Variants in PTPRD observed in about 807,000 individuals in gnomAD.
PTPRD encodes the protein protein tyrosine phosphatase receptor type D.
PTPRD carries 34 observed loss-of-function variants against 214.5 expected under a neutral mutation model. That is an observed-to-expected ratio of 0.16 (90% CI 0.12 to 0.21). The LOEUF (loss-of-function observed/expected upper bound fraction) is 0.21, where lower values mean the gene tolerates loss of function less well. PTPRD is among the 10% of genes least tolerant of loss of function. The probability of loss-of-function intolerance (pLI) is 1.00; values close to 1 mark genes in which losing one functional copy is unlikely to be tolerated. For missense variants in PTPRD, 2,545 were observed against 2,398.7 expected (o/e 1.06, Z -1.27); for synonymous variants, 1,128 against 845.7 (o/e 1.33, Z -5.79).
intron 7 of PTPRD, among the ~76,000 whole-genome samples, chr9:9,694,155 C>A (rs2097327361): frequency 6.6e-6 from 1 of 152,100 alleles, no homozygotes; most frequent in Non-Finnish European, 1.5e-5. Flanking sequence ...TTGATTTTTA[C>A]AGATGTTTGT....
At chr9:8,680,411 C>G (rs542338160) in intron 12 of PTPRD, among the ~76,000 whole-genome samples, 1 of 152,302 alleles carries the variant, frequency 6.6e-6, no homozygotes, top group Admixed American at 6.5e-5. Context: ...CACTCAGCTA[C>G]TGGTGTGTCT....
chr9:8,951,878 T>C (rs1205815224), intron 11 of PTPRD, among the ~76,000 whole-genome samples: 1 of 152,024 alleles, frequency 6.6e-6, no homozygotes, highest in African/African-American at 2.4e-5. Context: ...CTCAAAATTC[T>C]CCAGTGCGTT....
chr9:9,109,476 C>T (rs1591765769), intron 10 of PTPRD, among the ~76,000 whole-genome samples: 2 of 152,214 alleles, frequency 1.3e-5, no homozygotes, highest in African/African-American at 4.8e-5. Flanking sequence ...AGACCTACCT[C>T]AGCAGTAGTT....
chr9:8,403,314 T>A (rs963743100), intron 36 of PTPRD, among the ~76,000 whole-genome samples: 2 of 152,224 alleles, frequency 1.3e-5, no homozygotes, highest in African/African-American at 2.4e-5. Context: ...GAAGCTACTA[T>A]AATTTATTTG....
intron 11 of PTPRD, among the ~76,000 whole-genome samples, chr9:8,797,711 T>A (rs2096471969): frequency 6.6e-6 from 1 of 152,204 alleles, no homozygotes; most frequent in African/African-American, 2.4e-5. Context: ...GAACCATTTA[T>A]CCCACTATGC....
intron 5 of PTPRD, among the ~76,000 whole-genome samples, chr9:9,895,033 A>C (rs906151632): frequency 6.6e-6 from 1 of 152,050 alleles, no homozygotes; most frequent in African/African-American, 2.4e-5. Context: ...AATGGGTTGA[A>C]ATAATGTGTA....
At chr9:9,197,472 G>A (rs905878601) in intron 9 of PTPRD, among the ~76,000 whole-genome samples, 4 of 136,876 alleles carry the variant, frequency 2.9e-5, no homozygotes, top group Non-Finnish European at 4.5e-5. Flanking sequence ...ATGCAATAGC[G>A]CAATCTTTGC....
intron 3 of PTPRD, among the ~76,000 whole-genome samples, chr9:10,158,264 C>T (rs1342980705): frequency 6.6e-6 from 1 of 152,108 alleles, no homozygotes; most frequent in Non-Finnish European, 1.5e-5. Context: ...ACTTCGGCCC[C>T]CTGAAGTTGT....
At chr9:8,344,376 A>G (rs1044541621) in intron 39 of PTPRD, among the ~76,000 whole-genome samples, 5 of 152,080 alleles carry the variant, frequency 3.3e-5, no homozygotes, top group African/African-American at 9.7e-5. Context: ...ATTCTGGCAG[A>G]AAGATACTAC....
intron 11 of PTPRD, among the ~76,000 whole-genome samples, chr9:8,749,099 A>G (rs2093236996): frequency 6.6e-6 from 1 of 152,190 alleles, no homozygotes; most frequent in East Asian, 1.9e-4. Flanking sequence ...AATAAGAAAA[A>G]AAAAGTAGAA....
At chr9:8,952,380 A>G (rs2099107013) in intron 11 of PTPRD, among the ~76,000 whole-genome samples, 1 of 152,032 alleles carries the variant, frequency 6.6e-6, no homozygotes, top group East Asian at 1.9e-4. Flanking sequence ...TCTATAAAGG[A>G]ATGCACAGGG....
intron 2 of PTPRD, among the ~76,000 whole-genome samples, chr9:10,430,949 C>T (rs2098671845): frequency 6.6e-6 from 1 of 151,848 alleles, no homozygotes; most frequent in South Asian, 2.1e-4. Flanking sequence ...ATAATATTGG[C>T]TATCAAAATT....
chr9:8,343,825 G>C (rs1854896833), intron 39 of PTPRD, among the ~76,000 whole-genome samples: 2 of 152,044 alleles, frequency 1.3e-5, no homozygotes, highest in South Asian at 4.1e-4. Flanking sequence ...ATTAGTGACT[G>C]GCTTGAGATG....
intron 21 of PTPRD, among the ~76,000 whole-genome samples, chr9:8,507,994 A>AAAAAC (rs914525149): frequency 3.3e-5 from 5 of 152,068 alleles, no homozygotes; most frequent in South Asian, 2.1e-4. Context: ...GTAAGAAAGG[A>AAAAAC]AAAACAAAAC....
intron 11 of PTPRD, among the ~76,000 whole-genome samples, chr9:8,933,340 G>GTTTTGTTTTTTTTTTTTTTT (rs2098966631): frequency 2.5e-5 from 2 of 80,440 alleles, no homozygotes; most frequent in African/African-American, 1.0e-4. Flanking sequence ...CAACCTTGAG[G>GTTTTGTTTTTTTTTTTTTTT]TTTTTTTTTT....
chr9:9,585,054 C>A (rs1463361460), intron 7 of PTPRD, among the ~76,000 whole-genome samples: 1 of 152,028 alleles, frequency 6.6e-6, no homozygotes, highest in Non-Finnish European at 1.5e-5. Context: ...TCATAAAATT[C>A]TCTTTTTCCA....
At chr9:9,305,114 C>T (rs977802236) in intron 9 of PTPRD, among the ~76,000 whole-genome samples, 1 of 151,402 alleles carries the variant, frequency 6.6e-6, no homozygotes, top group Non-Finnish European at 1.5e-5. Flanking sequence ...TGCTTCTCAT[C>T]TTTACCTCCT....
intron 11 of PTPRD, among the ~76,000 whole-genome samples, chr9:8,792,481 T>C (rs574619733): frequency 6.6e-6 from 1 of 152,214 alleles, no homozygotes; most frequent in South Asian, 2.1e-4. Flanking sequence ...ATAATGGAGG[T>C]GAGCATTCAG....
intron 35 of PTPRD, among the ~76,000 whole-genome samples, chr9:8,425,998 C>G (rs1535677): frequency 0.2 from 30,005 of 151,986 alleles, 3,865 homozygotes; most frequent in East Asian, 0.53. Context: ...CACCCTTTAC[C>G]TTCCCCTAAT....
Sources: allele counts gnomAD v4.1 joint callset (sites outside exome capture counted in the v4.1 genomes callset), GRCh38; gene constraint gnomAD v4.1.1; transcripts MANE v1.5; gene names NCBI Gene and HGNC (gene_info 2026-07-23, HGNC 2026-07-21).